DNAH7: variants seen among roughly 807,000 people sequenced by gnomAD.
DNAH7 encodes the protein dynein axonemal heavy chain 7, also known as axonemal beta dynein heavy chain 7.
In DNAH7, 397 loss-of-function variants were observed where a neutral mutation model predicts 444.6. The ratio of observed to expected loss-of-function variants is 0.89; its 90% CI spans 0.82 to 0.97. DNAH7 has a LOEUF of 0.97. Among genes scored for constraint, DNAH7 ranks in the 50% least tolerant of loss-of-function variants. The pLI is 0.00. For missense variants in DNAH7, 4,902 were observed against 4,800.8 expected, an observed-to-expected ratio of 1.02 and a Z score of -0.62; for synonymous variants, 1,636 against 1,624.4, an observed-to-expected ratio of 1.01 and a Z score of -0.17.
intron 41 of DNAH7, among the ~76,000 whole-genome samples, chr2:195,863,449 T>TC (rs1482777762): frequency 1.3e-5 from 2 of 152,178 alleles, no homozygotes; most frequent in African/African-American, 4.8e-5. Context: ...CCTTTGCTAC[T>TC]CCCCTTCCCC....
At chr2:195,943,993 C>T (rs559750400) in intron 19 of DNAH7, among the ~76,000 whole-genome samples, 17 of 152,224 alleles carry the variant, frequency 1.1e-4, no homozygotes, top group African/African-American at 3.6e-4. Context: ...CATACCTCTT[C>T]CCCAGTCTTC....
chr2:195,930,903 C>T (rs1054239040), intron 21 of DNAH7, among the ~76,000 whole-genome samples: 1 of 152,052 alleles, frequency 6.6e-6, no homozygotes, highest in African/African-American at 2.4e-5. Context: ...GACCATCATC[C>T]TAAGCGAATT....
intron 61 of DNAH7, among the ~76,000 whole-genome samples, chr2:195,770,667 C>T (rs1475817025): frequency 6.6e-6 from 1 of 152,060 alleles, no homozygotes; most frequent in Non-Finnish European, 1.5e-5. Context: ...TTCTCTACTC[C>T]CTAATCTTGT....
At chr2:195,834,103 A>G in intron 48 of DNAH7, 103 bp downstream of exon 48, 1 of 1,185,504 alleles carries the variant, frequency 8.4e-7, no homozygotes. Context: ...GCTACTTGGT[A>G]GGCTGAGGTG....
chr2:195,951,436 T>C (rs1037832359), intron 19 of DNAH7, among the ~76,000 whole-genome samples: 1 of 152,180 alleles, frequency 6.6e-6, no homozygotes, highest in Admixed American at 6.5e-5. Context: ...GGCAGAGCAT[T>C]CTGCAGATGT....
At chr2:195,857,827 A>G in intron 43 of DNAH7, 104 bp from the exon 44 acceptor site, 2 of 1,016,548 alleles carry the variant, frequency 2.0e-6, no homozygotes, top group Non-Finnish European at 2.8e-6. Context: ...CACTGTGTTC[A>G]CTGGGTAGAA....
intron 17 of DNAH7, among the ~76,000 whole-genome samples, chr2:195,963,259 A>C (rs987647002): frequency 6.6e-6 from 1 of 152,224 alleles, no homozygotes; most frequent in Non-Finnish European, 1.5e-5. Context: ...TTTTCTCTAC[A>C]TCTTTGACAG....
At chr2:195,777,557 G>A (rs1362938857) in intron 59 of DNAH7, among the ~76,000 whole-genome samples, 1 of 152,100 alleles carries the variant, frequency 6.6e-6, no homozygotes, top group Non-Finnish European at 1.5e-5. Context: ...TATGATGACA[G>A]AACTTCAGGT....
intron 24 of DNAH7, among the ~76,000 whole-genome samples, chr2:195,918,454 A>T (rs985044667): frequency 6.6e-6 from 1 of 152,242 alleles, no homozygotes; most frequent in Non-Finnish European, 1.5e-5. Context: ...AACGATGTCC[A>T]CCCAAAAACC....
rs779236434 is a variant in DNAH7 at position 195,910,098 on chromosome 2, C to T, written c.4033G>A (p.Val1345Ile). The T allele has an allele frequency of 1.9e-6, 3 of 1,613,912 alleles. No homozygotes were observed. The highest frequency in any genetic ancestry group is 2.2e-5 in the South Asian group (2 of 91,060). ...TTGAAAACAACACATTGTTTGGCTA[C>T]AGCTTTTGCCAAATCCTTGGTAGTT... ...TETTKDLAKAVAKQCVVFNCS... is the reference protein window; with the variant it reads ...TETTKDLAKAIAKQCVVFNCS... Residue 1345 changes from valine to isoleucine, a missense_variant, in exon 25 of 65, where the codon GTA becomes ATA. Physicochemically the swap from Val to Ile is conservative, Grantham distance 29. Coordinates refer to ENST00000312428, the MANE Select transcript of DNAH7 (RefSeq NM_018897.3).
chr2:195,802,742 C>T (rs1475073596), intron 54 of DNAH7, among the ~76,000 whole-genome samples: 1 of 151,876 alleles, frequency 6.6e-6, no homozygotes, highest in Admixed American at 6.6e-5. Context: ...GGTGCAAGTG[C>T]AATTTTTTAC....
At chr2:195,798,604 C>T (rs796676731) in intron 55 of DNAH7, among the ~76,000 whole-genome samples, 2 of 135,098 alleles carry the variant, frequency 1.5e-5, no homozygotes, top group African/African-American at 5.8e-5. Context: ...AGTGCTATGG[C>T]GTGATCTCGG....
intron 55 of DNAH7, among the ~76,000 whole-genome samples, chr2:195,798,312 A>G (rs551098570): frequency 4.5e-4 from 68 of 152,326 alleles, no homozygotes; most frequent in Non-Finnish European, 8.4e-4. Context: ...CAAAGTCAAC[A>G]GTATACATTA....
chr2:195,944,238 G>A lies in DNAH7; in HGVS notation c.3079-7446C>T, dbSNP rs575191013. On this transcript the variant is annotated intron_variant, in intron 19 of 64. Coordinates refer to ENST00000312428, the MANE Select transcript of DNAH7 (RefSeq NM_018897.3). The stretch of plus-strand genomic sequence containing the variant: ...ACTTCTGGATGGTGCAAGCATATGC[G>A]GCACAAACATCTGCAAGCAACTCTC... Among the ~76,000 whole-genome samples the A allele has an allele frequency of 7.9e-5, 12 of 152,142 alleles. No homozygotes were observed. In the South Asian group the frequency reaches 2.3e-3, roughly 29 times the overall value.
chr2:196,033,162 T>A (rs983639100), intron 5 of DNAH7, among the ~76,000 whole-genome samples: 1 of 152,222 alleles, frequency 6.6e-6, no homozygotes, highest in African/African-American at 2.4e-5. Context: ...TTCTTAATTA[T>A]TTAATATGTA....
intron 60 of DNAH7, 74 bp from the exon 61 acceptor site, chr2:195,771,964 G>T: frequency 8.0e-7 from 1 of 1,257,836 alleles, no homozygotes; most frequent in Non-Finnish European, 1.2e-6. Flanking sequence ...AAAATCCTAA[G>T]GTAAATCTTT....
chr2:195,910,395 T>C (rs920580804), intron 24 of DNAH7, among the ~76,000 whole-genome samples, 200 bp from the exon 25 acceptor site: 20 of 152,352 alleles, frequency 1.3e-4, no homozygotes, highest in African/African-American at 4.8e-4. Flanking sequence ...AATAGCTATA[T>C]ATATGCCACA....
At chr2:195,824,472 T>A in intron 48 of DNAH7, 27 bp from the exon 49 acceptor site, 3 of 1,560,766 alleles carry the variant, frequency 1.9e-6, no homozygotes, top group Non-Finnish European at 2.6e-6. Context: ...AAAGATTTCA[T>A]GTTATTTTAA....
intron 63 of DNAH7, among the ~76,000 whole-genome samples, chr2:195,746,261 A>T (rs1415480354): frequency 6.6e-6 from 1 of 152,122 alleles, no homozygotes; most frequent in Non-Finnish European, 1.5e-5. Flanking sequence ...AGGCCATTAC[A>T]TAATGGTAAA....
Sources: allele counts gnomAD v4.1 joint callset (sites outside exome capture counted in the v4.1 genomes callset), GRCh38; gene constraint gnomAD v4.1.1; transcripts MANE v1.5; gene names NCBI Gene and HGNC (gene_info 2026-07-23, HGNC 2026-07-21).